The following CADPS2 variants were observed in gnomAD, a reference collection of about 807,000 sequenced individuals.
The protein encoded by CADPS2 is calcium-dependent secretion activator 2.
In CADPS2, 93 loss-of-function variants were observed where a neutral mutation model predicts 172.5. The ratio of observed to expected loss-of-function variants is 0.54; its 90% confidence interval spans 0.46 to 0.64. CADPS2 has a LOEUF of 0.64. Among genes scored for constraint, CADPS2 ranks in the 30% least tolerant of loss-of-function variants. CADPS2 has a pLI of 0.00. For synonymous variants in CADPS2, 546 were observed against 555.2 expected (o/e 0.98, Z 0.23); for missense variants, 1,420 against 1,565.9 (o/e 0.91, Z 1.57).
chr7:122,651,260 G>GAAA (rs5887109), intron 3 of CADPS2, among the ~76,000 whole-genome samples: 3 of 143,640 alleles, frequency 2.1e-5, no homozygotes, highest in Non-Finnish European at 1.5e-5. Context: ...CTACTAGTTG[G>GAAA]AAAAAAAAAA....
At chr7:122,349,096 T>C (rs1465160439) in intron 27 of CADPS2, among the ~76,000 whole-genome samples, 1 of 151,414 alleles carries the variant, frequency 6.6e-6, no homozygotes. Flanking sequence ...TTTTTTTTGG[T>C]GTGTACATGA....
chr7:122,862,958 G>A (rs1817342430), intron 1 of CADPS2, among the ~76,000 whole-genome samples: 1 of 152,178 alleles, frequency 6.6e-6, no homozygotes. Context: ...TTTAGGGGAA[G>A]TTAAGCAATA....
At chr7:122,576,905 G>T (rs539585709) in intron 7 of CADPS2, among the ~76,000 whole-genome samples, 58 of 151,804 alleles carry the variant, frequency 3.8e-4, no homozygotes, top group African/African-American at 1.1e-3. Flanking sequence ...GGTTACAGGT[G>T]CCCACCACCA....
At position 122,448,306 on chromosome 7, in the gene CADPS2, C is replaced by T. The variant is rs372173005; in HGVS notation, c.2288+3068G>A. ...TAAAACCATCAGCTCTCATGAGACT[C>T]GCTCATCATCATGAGAACAGCATGG... On this transcript the variant is annotated intron_variant, in intron 15 of 29. Transcript: ENST00000449022. 5.3e-5 allele frequency among the ~76,000 whole-genome samples: 8 copies of T among 152,210 alleles called. No homozygotes were observed. The East Asian group carries it at 9.7e-4, about 18-fold the overall frequency.
chr7:122,847,228 A>T (rs1812234386), intron 1 of CADPS2, among the ~76,000 whole-genome samples: 1 of 152,194 alleles, frequency 6.6e-6, no homozygotes, highest in African/African-American at 2.4e-5. Context: ...CTGGGACTAC[A>T]GGCTCATGCC....
chr7:122,553,662 A>G (rs917328309), intron 8 of CADPS2, among the ~76,000 whole-genome samples: 1 of 152,058 alleles, frequency 6.6e-6, no homozygotes, highest in African/African-American at 2.4e-5. Flanking sequence ...TTTTTGAATC[A>G]TCAGTTCGCT....
At chr7:122,628,150 T>A (rs2076253250) in intron 4 of CADPS2, among the ~76,000 whole-genome samples, 1 of 152,114 alleles carries the variant, frequency 6.6e-6, no homozygotes, top group Admixed American at 6.6e-5. Flanking sequence ...TTATCTACAT[T>A]TTTCTCTATT....
At chr7:122,752,443 AT>A (rs2092990794) in intron 1 of CADPS2, among the ~76,000 whole-genome samples, 1 of 152,232 alleles carries the variant, frequency 6.6e-6, no homozygotes, top group Non-Finnish European at 1.5e-5. Flanking sequence ...GTAGAAAAAC[AT>A]TTATAACCTC....
intron 2 of CADPS2, among the ~76,000 whole-genome samples, chr7:122,719,373 C>T (rs1317419091): frequency 2.7e-5 from 4 of 150,836 alleles, no homozygotes; most frequent in African/African-American, 7.3e-5. Context: ...CCACTTCCTC[C>T]GACTATCTGA....
At chr7:122,559,165 G>C (rs1001304125) in intron 7 of CADPS2, among the ~76,000 whole-genome samples, 3 of 152,112 alleles carry the variant, frequency 2.0e-5, no homozygotes, top group African/African-American at 4.8e-5. Context: ...AGTTTCACTT[G>C]GAAGTCTAAA....
chr7:122,577,057 G>T lies in CADPS2; in HGVS notation c.1335+4122C>A, dbSNP rs555382217. On this transcript the variant is annotated intron_variant, in intron 7 of 29. Coordinates refer to ENST00000449022, the MANE Select transcript of CADPS2 (RefSeq NM_017954.11). ...ATTATAGGCATGAGCCACCATACCT[G>T]GCCTGATCTGGTGGTTTTATAAGCT... Among the ~76,000 whole-genome samples, 4 of 152,074 alleles carry T rather than the reference G, an allele frequency of 2.6e-5. No individual in the cohort carries two copies. In the South Asian group the frequency reaches 8.3e-4, roughly 32 times the overall value.
At chr7:122,649,679 G>C (rs2078929257) in intron 3 of CADPS2, among the ~76,000 whole-genome samples, 1 of 152,048 alleles carries the variant, frequency 6.6e-6, no homozygotes, top group Admixed American at 6.6e-5. Context: ...TGCTCCTGCT[G>C]TACAGTATAC....
chr7:122,748,166 A>G (rs762721007), intron 1 of CADPS2, among the ~76,000 whole-genome samples: 7 of 152,208 alleles, frequency 4.6e-5, no homozygotes, highest in Non-Finnish European at 7.3e-5. Context: ...CAAAGACTCC[A>G]GCACTGAAGC....
At chr7:122,726,783 A>C (rs1235631116) in intron 2 of CADPS2, among the ~76,000 whole-genome samples, 2 of 151,468 alleles carry the variant, frequency 1.3e-5, no homozygotes, top group African/African-American at 4.8e-5. Context: ...CAAAAAAAAA[A>C]AAAAAACTAT....
chr7:122,704,939 T>C (rs1280714237), intron 2 of CADPS2, among the ~76,000 whole-genome samples: 2 of 152,002 alleles, frequency 1.3e-5, no homozygotes, highest in Non-Finnish European at 2.9e-5. Context: ...AATAAGAAAT[T>C]ATGTGGTCCA....
intron 8 of CADPS2, among the ~76,000 whole-genome samples, chr7:122,540,063 GTTAAT>G (rs1390848958): frequency 6.6e-6 from 1 of 151,868 alleles, no homozygotes; most frequent in East Asian, 1.9e-4. Flanking sequence ...GTCATTTTCA[GTTAAT>G]TTATTTTAGC....
At chr7:122,335,533 A>G (rs1437261849) in intron 28 of CADPS2, among the ~76,000 whole-genome samples, 1 of 152,210 alleles carries the variant, frequency 6.6e-6, no homozygotes, top group Non-Finnish European at 1.5e-5. Flanking sequence ...GTAGCCAGTG[A>G]GAGAAAAAGT....
chr7:122,824,883 A>G (rs1804438440), intron 1 of CADPS2, among the ~76,000 whole-genome samples: 1 of 152,216 alleles, frequency 6.6e-6, no homozygotes, highest in African/African-American at 2.4e-5. Flanking sequence ...ATCTTTCTCC[A>G]TATGGCTATC....
chr7:122,741,355 C>A (rs1398568943), intron 1 of CADPS2, among the ~76,000 whole-genome samples: 1 of 152,060 alleles, frequency 6.6e-6, no homozygotes, highest in Non-Finnish European at 1.5e-5. Flanking sequence ...ACAGAAAATA[C>A]AGGTAAAAGA....
Sources: allele counts gnomAD v4.1 joint callset (sites outside exome capture counted in the v4.1 genomes callset), GRCh38; gene constraint gnomAD v4.1.1; transcripts MANE v1.5; gene names NCBI Gene and HGNC (gene_info 2026-07-23, HGNC 2026-07-21).